The following SPOCK3 variants were observed in gnomAD, a reference collection of about 807,000 sequenced individuals.
The protein encoded by SPOCK3 is testican-3.
In SPOCK3, 30 loss-of-function variants were observed where a neutral mutation model predicts 56.6. The observed-to-expected ratio is 0.53, with a 90% CI of 0.40 to 0.72. The LOEUF is 0.72. Ranked by LOEUF, SPOCK3 falls within the 30% of genes least tolerant of loss-of-function variation. The pLI is 0.00. For missense variants in SPOCK3, 527 were observed against 530.0 expected, an observed-to-expected ratio of 0.99 and a Z score of 0.06; for synonymous variants, 196 against 183.3, an observed-to-expected ratio of 1.07 and a Z score of -0.56.
intron 6 of SPOCK3, among the ~76,000 whole-genome samples, chr4:166,886,072 C>T (rs1248642629): frequency 6.6e-6 from 1 of 151,932 alleles, no homozygotes; most frequent in Admixed American, 6.6e-5. Context: ...TTTTGCAAGT[C>T]CTTTCTAATT....
intron 2 of SPOCK3, among the ~76,000 whole-genome samples, chr4:167,208,702 TTTG>T (rs148317515): frequency 0.13 from 20,342 of 152,100 alleles, 1,690 homozygotes; most frequent in African/African-American, 0.22. Context: ...GATTTAGATT[TTTG>T]TTTATACATG....
chr4:167,159,466 G>C (rs941984931), intron 2 of SPOCK3, among the ~76,000 whole-genome samples: 1 of 152,062 alleles, frequency 6.6e-6, no homozygotes, highest in Non-Finnish European at 1.5e-5. Context: ...AAGACACAGA[G>C]AGGACCTGGT....
chr4:166,810,000 G>T (rs921771832), intron 6 of SPOCK3, among the ~76,000 whole-genome samples: 3 of 151,926 alleles, frequency 2.0e-5, no homozygotes, highest in African/African-American at 7.2e-5. Flanking sequence ...CAAATTTATC[G>T]ATTACAGTTT....
chr4:167,199,694 AAATAATAATAAT>A (rs200479070), intron 2 of SPOCK3, among the ~76,000 whole-genome samples: 23,540 of 141,536 alleles, frequency 0.17, 2,029 homozygotes, highest in Admixed American at 0.25. Context: ...TGTGTGAAAT[AAATAATAATAAT>A]AATAATAATA....
At chr4:167,057,997 C>G (rs1481337915) in intron 3 of SPOCK3, among the ~76,000 whole-genome samples, 1 of 152,024 alleles carries the variant, frequency 6.6e-6, no homozygotes, top group African/African-American at 2.4e-5. Flanking sequence ...TTTTTCAGCA[C>G]CACACCACAC....
chr4:166,860,786 C>T (rs755655846), intron 6 of SPOCK3, among the ~76,000 whole-genome samples: 2 of 31,030 alleles, frequency 6.4e-5, no homozygotes, highest in Admixed American at 2.7e-4. Flanking sequence ...CACACGTGTA[C>T]ATGCACACAC....
chr4:167,178,749 G>T (rs114116697), intron 2 of SPOCK3, among the ~76,000 whole-genome samples: 1 of 151,778 alleles, frequency 6.6e-6, no homozygotes, highest in African/African-American at 2.4e-5. Flanking sequence ...TAGGGAATTC[G>T]TACAATTTAA....
chr4:166,944,004 G>A (rs574913754), intron 4 of SPOCK3, among the ~76,000 whole-genome samples: 14 of 152,164 alleles, frequency 9.2e-5, no homozygotes, highest in African/African-American at 2.4e-4. Flanking sequence ...AAAATTAGCC[G>A]AGCATAGTGG....
chr4:167,183,480 T>C (rs1216117888), intron 2 of SPOCK3, among the ~76,000 whole-genome samples: 2 of 152,068 alleles, frequency 1.3e-5, no homozygotes, highest in Non-Finnish European at 2.9e-5. Context: ...ACAAAATGCA[T>C]AGAAGGAATT....
At chr4:166,741,857 C>T in intron 9 of SPOCK3, 140 bp downstream of exon 9, 2 of 634,464 alleles carry the variant, frequency 3.2e-6, no homozygotes, top group Non-Finnish European at 5.6e-6. Flanking sequence ...AGTTTAATGG[C>T]TTTCAAAAAG....
chr4:167,229,465 A>G (rs1580697758), intron 2 of SPOCK3, among the ~76,000 whole-genome samples: 1 of 152,094 alleles, frequency 6.6e-6, no homozygotes, highest in South Asian at 2.1e-4. Context: ...AAATTGTTGT[A>G]TTTACTTTCT....
At position 167,222,895 on chromosome 4, in the gene SPOCK3, A is replaced by C. The variant is rs1301282085; in HGVS notation, c.189+11090T>G. Among the ~76,000 whole-genome samples the C allele has an allele frequency of 4.7e-5, 6 of 128,336 alleles. 1 individual carries two copies. Among genetic ancestry groups the C allele is most frequent in the South Asian group, 2.3e-4 (1 of 4,344 alleles). The allele number at this position is 128,336 out of a possible 152,430, so 84.2% of individuals were successfully genotyped here. Reference sequence around the variant, plus strand: ...GATATATATTGATATATGAATATATAAATATATAAACATAGATATGTTTAT... The same window carrying C: ...GATATATATTGATATATGAATATATCAATATATAAACATAGATATGTTTAT... On this transcript the variant is annotated intron_variant, in intron 2 of 10. Coordinates refer to ENST00000357545, the MANE Select transcript of SPOCK3 (RefSeq NM_001040159.2).
intron 2 of SPOCK3, among the ~76,000 whole-genome samples, chr4:167,162,116 C>T (rs1156234333): frequency 6.6e-6 from 1 of 152,018 alleles, no homozygotes; most frequent in Admixed American, 6.6e-5. Context: ...TATTTATGAA[C>T]ATTAGGTCAT....
intron 6 of SPOCK3, among the ~76,000 whole-genome samples, chr4:166,856,784 C>T: frequency 7.8e-6 from 1 of 128,402 alleles, no homozygotes; most frequent in East Asian, 2.0e-4. Flanking sequence ...AAAAAATTAT[C>T]TATCTATCTA....
At chr4:167,123,471 G>C (rs1020735725) in intron 2 of SPOCK3, among the ~76,000 whole-genome samples, 1 of 152,068 alleles carries the variant, frequency 6.6e-6, no homozygotes, top group African/African-American at 2.4e-5. Flanking sequence ...GTTGTGCTAA[G>C]GTTAAAATGT....
At chr4:167,150,521 G>A (rs1764325731) in intron 2 of SPOCK3, among the ~76,000 whole-genome samples, 2 of 152,122 alleles carry the variant, frequency 1.3e-5, no homozygotes, top group African/African-American at 2.4e-5. Flanking sequence ...GGAAGACACA[G>A]CCAAATATTA....
At chr4:166,979,011 A>G (rs1234460252) in intron 4 of SPOCK3, among the ~76,000 whole-genome samples, 1 of 152,226 alleles carries the variant, frequency 6.6e-6, no homozygotes, top group East Asian at 1.9e-4. Context: ...TTCAAATTAC[A>G]ATAAGAACAA....
intron 2 of SPOCK3, among the ~76,000 whole-genome samples, chr4:167,194,376 T>A (rs1241015412): frequency 1.3e-5 from 2 of 152,196 alleles, no homozygotes; most frequent in Non-Finnish European, 2.9e-5. Flanking sequence ...GATGAAAGAT[T>A]CTTTAAGATG....
intron 2 of SPOCK3, among the ~76,000 whole-genome samples, chr4:167,223,999 G>A (rs1359578601): frequency 6.6e-6 from 1 of 151,900 alleles, no homozygotes; most frequent in Non-Finnish European, 1.5e-5. Context: ...CAAATTTTGA[G>A]TACCCTATTC....
Sources: allele counts gnomAD v4.1 joint callset (sites outside exome capture counted in the v4.1 genomes callset), GRCh38; gene constraint gnomAD v4.1.1; transcripts MANE v1.5; gene names NCBI Gene and HGNC (gene_info 2026-07-23, HGNC 2026-07-21).